The following MED13L variants were observed in gnomAD, a reference collection of about 807,000 sequenced individuals.
MED13L encodes the protein mediator complex subunit 13L.
A neutral mutation model predicts 220.9 loss-of-function variants in MED13L; 7 were observed. The observed-to-expected ratio is 0.03, with a 90% CI of 0.02 to 0.06. MED13L has a LOEUF of 0.06. Among genes scored for constraint, MED13L ranks in the 10% least tolerant of loss-of-function variants. The pLI is 1.00. For synonymous variants in MED13L, 1,011 were observed against 1,015.2 expected (o/e 1.00, Z 0.08); for missense variants, 1,965 against 2,760.5 (o/e 0.71, Z 6.46).
At chr12:116,010,287 A>G (rs753674780) in intron 9 of MED13L, among the ~76,000 whole-genome samples, 7 of 152,220 alleles carry the variant, frequency 4.6e-5, no homozygotes, top group Non-Finnish European at 7.3e-5. Flanking sequence ...TGAGCATGGT[A>G]CCACAGTAAC....
intron 2 of MED13L, among the ~76,000 whole-genome samples, chr12:116,173,596 G>A (rs947931599): frequency 6.6e-6 from 1 of 152,104 alleles, no homozygotes; most frequent in Non-Finnish European, 1.5e-5. Flanking sequence ...CCTTGCAACA[G>A]TGGTAAAAGC....
At chr12:116,166,557 C>T (rs1189398330) in intron 2 of MED13L, among the ~76,000 whole-genome samples, 4 of 152,136 alleles carry the variant, frequency 2.6e-5, no homozygotes, top group African/African-American at 9.7e-5. Flanking sequence ...GCATTCCAGC[C>T]TGGGCAACAG....
chr12:116,263,451 G>A (rs1565956408), intron 1 of MED13L, among the ~76,000 whole-genome samples: 1 of 152,108 alleles, frequency 6.6e-6, no homozygotes, highest in Admixed American at 6.6e-5. Flanking sequence ...CAGGTAAAGG[G>A]TCGTCTGCAC....
intron 9 of MED13L, among the ~76,000 whole-genome samples, chr12:116,010,882 C>CTT (rs751574971): frequency 1.4e-5 from 2 of 138,604 alleles, no homozygotes. Flanking sequence ...AAGGATTTTT[C>CTT]TTTTTTTTTT....
chr12:116,054,471 CCTA>C lies in MED13L; in HGVS notation c.480-31873_480-31871del, dbSNP rs1451182316. ...TCTACCTGTATACCTTCTTTGAGTA[CCTA>C]CTATTTAGAACTCCAAGAGTACAAC... On this transcript the variant is annotated intron_variant, in intron 4 of 30. Transcript: ENST00000281928. Among the ~76,000 whole-genome samples the C allele has an allele frequency of 9.8e-5, 15 of 152,294 alleles. No homozygotes were observed. In the East Asian group the frequency reaches 2.7e-3, roughly 27 times the overall value.
At chr12:116,001,758 T>C (rs543285100) in intron 14 of MED13L, among the ~76,000 whole-genome samples, 4 of 152,374 alleles carry the variant, frequency 2.6e-5, no homozygotes, top group Admixed American at 2.0e-4. Flanking sequence ...GATTCGTTTT[T>C]ATAACGTGCA....
intron 4 of MED13L, among the ~76,000 whole-genome samples, chr12:116,057,929 G>A (rs1176126040): frequency 1.3e-5 from 2 of 151,896 alleles, no homozygotes; most frequent in African/African-American, 4.8e-5. Context: ...GAATTCAGGT[G>A]GTTCAAAATA....
chr12:116,277,031 AG>A, intron 1 of MED13L, 28 bp downstream of exon 1: 6 of 1,010,568 alleles, frequency 5.9e-6, no homozygotes, highest in Non-Finnish European at 7.5e-6. Context: ...TCCCCGGCAC[AG>A]CCCCCTCCCC....
At position 115,972,895 on chromosome 12, in the gene MED13L, G is replaced by A. The variant is rs116742924; in HGVS notation, c.5732-659C>T. Among the ~76,000 whole-genome samples, 516 of 152,268 alleles carry A rather than the reference G, an allele frequency of 3.4e-3. 5 individuals carry two copies. Among genetic ancestry groups the A allele is most frequent in the Middle Eastern group, 0.02 (6 of 294 alleles). On this transcript the variant is annotated intron_variant, in intron 25 of 30. Transcript: ENST00000281928. ...GTGGAGGATTATGTTACTCTGAGAA[G>A]TGGAAAGCACTTGGTCCCCTCTTCT...
chr12:116,055,084 G>A (rs933205633), intron 4 of MED13L, among the ~76,000 whole-genome samples: 2 of 152,082 alleles, frequency 1.3e-5, no homozygotes, highest in African/African-American at 2.4e-5. Flanking sequence ...TAAAGTATAC[G>A]CTATTAACTA....
chr12:115,970,156 G>A (rs369161326), intron 27 of MED13L, among the ~76,000 whole-genome samples: 76 of 152,172 alleles, frequency 5.0e-4, no homozygotes, highest in Middle Eastern at 3.4e-3. Context: ...TACCTTAACA[G>A]CTATTCAAAA....
intron 2 of MED13L, among the ~76,000 whole-genome samples, chr12:116,211,163 G>A (rs1272319540): frequency 3.9e-5 from 6 of 152,130 alleles, no homozygotes; most frequent in African/African-American, 1.2e-4. Flanking sequence ...CTTTTCTTAC[G>A]ATGGTGCCCA....
At position 115,986,283 on chromosome 12, in the gene MED13L, A is replaced by C; in HGVS notation, c.4321T>G (p.Leu1441Val). The part of the protein sequence containing the change: ...LEGAKTFFRD[L>V]SAVYEMCRLG... ...TTCCTCACCTCGTATACAGCACTCA[A>C]GTCCCTGAAGAAAGTTTTGGCTCCT... The change falls in exon 19 of 31, where the codon TTG (leucine) becomes GTG (valine). Residue 1441 changes from leucine to valine, a missense_variant. By Grantham distance (32) the Leu-to-Val change is conservative. This residue lies in a region of MED13L where 510 missense variants were observed against 620.4 expected (regional missense o/e 0.82). Coordinates refer to ENST00000281928, the MANE Select transcript of MED13L (RefSeq NM_015335.5). The C allele has an allele frequency of 6.2e-7, 1 of 1,614,152 alleles. No homozygotes were observed. Among genetic ancestry groups the C allele is most frequent in the South Asian group, 1.1e-5 (1 of 91,086 alleles).
chr12:116,081,371 T>C (rs1871231466), intron 4 of MED13L, among the ~76,000 whole-genome samples: 1 of 152,226 alleles, frequency 6.6e-6, no homozygotes, highest in Non-Finnish European at 1.5e-5. Flanking sequence ...CTGAAGTCCT[T>C]TTCTAGTATA....
intron 28 of MED13L, 97 bp downstream of exon 28, chr12:115,968,843 G>A (rs1025931611): frequency 6.8e-7 from 1 of 1,479,494 alleles, no homozygotes; most frequent in Non-Finnish European, 9.4e-7. Flanking sequence ...AGACCATCAA[G>A]AACTGTGCAA....
At chr12:116,059,549 C>T (rs1329516599) in intron 4 of MED13L, among the ~76,000 whole-genome samples, 3 of 151,600 alleles carry the variant, frequency 2.0e-5, no homozygotes, top group Non-Finnish European at 4.4e-5. Context: ...TCCCAAGTAG[C>T]TGGGATTACA....
chr12:116,269,558 G>A (rs1371195644), intron 1 of MED13L, among the ~76,000 whole-genome samples: 8 of 151,758 alleles, frequency 5.3e-5, no homozygotes, highest in Non-Finnish European at 7.4e-5. Context: ...AGGGAGCAGC[G>A]GCTCATGCCA....
intron 28 of MED13L, among the ~76,000 whole-genome samples, chr12:115,968,071 G>T (rs897776187): frequency 2.3e-5 from 1 of 42,938 alleles, no homozygotes; most frequent in East Asian, 5.3e-4. Context: ...CCCCCCCGAT[G>T]AAAACTGAAG....
chr12:116,184,207 CTT>C (rs1406654452), intron 2 of MED13L, among the ~76,000 whole-genome samples: 2 of 152,166 alleles, frequency 1.3e-5, no homozygotes, highest in Non-Finnish European at 2.9e-5. Context: ...TTGCCACAAT[CTT>C]TAGTTAAACC....
Sources: gnomAD v4.1 joint callset for allele counts (sites outside exome capture counted in the v4.1 genomes callset) on GRCh38, gnomAD v4.1.1 for gene constraint, gnomAD v4.1.1 regional missense constraint, MANE v1.5 for transcripts, NCBI Gene and HGNC (gene_info 2026-07-23, HGNC 2026-07-21) for gene names.